Variants in CATSPERB observed in about 807,000 individuals in gnomAD.
CATSPERB encodes the protein cation channel sperm-associated auxiliary subunit beta.
Under a neutral mutation model 128.3 loss-of-function variants are expected in CATSPERB, and 93 were observed. That is an observed-to-expected ratio of 0.72 (90% CI 0.61 to 0.86). The LOEUF is 0.86. Among genes scored for constraint, CATSPERB ranks in the 40% least tolerant of loss-of-function variants. CATSPERB has a pLI of 0.00. For synonymous variants in CATSPERB, 381 were observed against 448.8 expected, an observed-to-expected ratio of 0.85 and a Z score of 1.91; for missense variants, 1,153 against 1,329.5, an observed-to-expected ratio of 0.87 and a Z score of 2.06.
chr14:91,680,364 A>G (rs1895259623), intron 11 of CATSPERB, among the ~76,000 whole-genome samples: 1 of 152,130 alleles, frequency 6.6e-6, no homozygotes, highest in South Asian at 2.1e-4. Context: ...TTAGTTCAGA[A>G]CCTCCAAATC....
intron 22 of CATSPERB, chr14:91,604,541 G>A: frequency 6.2e-7 from 1 of 1,607,374 alleles, no homozygotes; most frequent in Non-Finnish European, 8.5e-7. Flanking sequence ...CAAGTCACTG[G>A]CAGGAGAATT....
intron 21 of CATSPERB, among the ~76,000 whole-genome samples, chr14:91,609,103 C>T (rs1595144556): frequency 6.6e-6 from 1 of 152,082 alleles, no homozygotes; most frequent in Non-Finnish European, 1.5e-5. Flanking sequence ...GATACTGTAA[C>T]TTTACATCAT....
intron 6 of CATSPERB, among the ~76,000 whole-genome samples, chr14:91,706,960 A>G (rs995916805): frequency 6.6e-6 from 1 of 152,124 alleles, no homozygotes; most frequent in African/African-American, 2.4e-5. Flanking sequence ...ACTGCTACCA[A>G]TTTCCTTTAT....
intron 5 of CATSPERB, among the ~76,000 whole-genome samples, chr14:91,708,456 T>C (rs1354746554): frequency 6.6e-6 from 1 of 152,190 alleles, no homozygotes; most frequent in Admixed American, 6.5e-5. Context: ...TAGCAATGAA[T>C]CTAGATACTA....
chr14:91,587,827 A>G (rs1486173893), intron 25 of CATSPERB, 151 bp downstream of exon 25: 1 of 601,250 alleles, frequency 1.7e-6, no homozygotes, highest in South Asian at 2.2e-5. Context: ...AAAAAAATAA[A>G]CCCTCTTCAT....
intron 7 of CATSPERB, among the ~76,000 whole-genome samples, chr14:91,703,688 G>T (rs1895689292): frequency 1.3e-5 from 2 of 152,204 alleles, no homozygotes; most frequent in South Asian, 4.1e-4. Flanking sequence ...CAGGGGTGTG[G>T]CGTGTCACAA....
At chr14:91,617,108 G>A (rs1359243738) in intron 20 of CATSPERB, among the ~76,000 whole-genome samples, 2 of 152,094 alleles carry the variant, frequency 1.3e-5, no homozygotes, top group East Asian at 1.9e-4. Flanking sequence ...CATATAAAGC[G>A]ATAAAAAGGA....
At chr14:91,598,242 C>A (rs1485257288) in intron 22 of CATSPERB, among the ~76,000 whole-genome samples, 1 of 151,232 alleles carries the variant, frequency 6.6e-6, no homozygotes, top group Non-Finnish European at 1.5e-5. Flanking sequence ...GCTCCTTTTA[C>A]CTTGTTTTAT....
At chr14:91,611,281 T>G (rs1893820724) in intron 20 of CATSPERB, among the ~76,000 whole-genome samples, 1 of 152,092 alleles carries the variant, frequency 6.6e-6, no homozygotes, top group African/African-American at 2.4e-5. Context: ...ATCTAATTGG[T>G]TCGGGGAAGT....
chr14:91,692,175 C>CAAAAAAAAAAAAAAAAAAAA (rs748422210), intron 9 of CATSPERB, among the ~76,000 whole-genome samples: 1 of 55,512 alleles, frequency 1.8e-5, no homozygotes, highest in African/African-American at 6.8e-5. Flanking sequence ...GACTCAGTCT[C>CAAAAAAAAAAAAAAAAAAAA]AAAAAAAAAA....
chr14:91,677,363 C>T (rs929391043), intron 11 of CATSPERB, among the ~76,000 whole-genome samples: 3 of 151,868 alleles, frequency 2.0e-5, no homozygotes, highest in Admixed American at 1.3e-4. Flanking sequence ...AACAAATTTA[C>T]AAGAAAAAAA....
At chr14:91,710,877 CAAAG>C (rs901249949) in intron 5 of CATSPERB, among the ~76,000 whole-genome samples, 3 of 152,168 alleles carry the variant, frequency 2.0e-5, no homozygotes, top group South Asian at 2.1e-4. Flanking sequence ...GTTAGTGACA[CAAAG>C]AAAGAGCTTC....
intron 15 of CATSPERB, among the ~76,000 whole-genome samples, chr14:91,654,744 G>C (rs1894760076): frequency 6.6e-6 from 1 of 152,160 alleles, no homozygotes; most frequent in Admixed American, 6.5e-5. Flanking sequence ...GAGCTCTTGG[G>C]CCTAGAGTGA....
chr14:91,608,370 G>A lies in CATSPERB; in HGVS notation c.2633C>T (p.Ala878Val), dbSNP rs1218942995. The A allele has an allele frequency of 6.2e-7, 1 of 1,609,622 alleles. No individual in the cohort carries two copies. The highest frequency in any genetic ancestry group is 8.5e-7 in the Non-Finnish European group (1 of 1,176,368). The change falls in exon 22 of 27, where the codon GCT (alanine) becomes GTT (valine). Residue 878 changes from alanine to valine, a missense_variant. Transcript: ENST00000256343. ...ATAAAAATTATCTGTGAGTGGAATA[G>A]CAATTCCCATATTAGATGGAGGCCT... ...NYRPPSNMGI[A>V]IPLTDNFYHA...
At chr14:91,641,481 C>A (rs769783297) in intron 15 of CATSPERB, among the ~76,000 whole-genome samples, 4 of 152,076 alleles carry the variant, frequency 2.6e-5, no homozygotes, top group Non-Finnish European at 5.9e-5. Flanking sequence ...TTCCCCATTG[C>A]TTGTTTTTCT....
intron 19 of CATSPERB, among the ~76,000 whole-genome samples, chr14:91,618,635 T>C (rs1171470661): frequency 1.3e-5 from 2 of 152,208 alleles, no homozygotes; most frequent in Non-Finnish European, 2.9e-5. Context: ...AGAAAACTCT[T>C]ATGCATTTCA....
rs1383935524 is a variant in CATSPERB at position 91,617,522 on chromosome 14, T to C, written c.2400+75A>G. Reference sequence around the variant, plus strand: ...ACAGAGATGTTTAAAATGATGCTCATTAAATATTAATAATAGTTGTTTCAG... The same window carrying C: ...ACAGAGATGTTTAAAATGATGCTCACTAAATATTAATAATAGTTGTTTCAG... On this transcript the variant is annotated intron_variant, in intron 20 of 26. Coordinates refer to ENST00000256343, the MANE Select transcript of CATSPERB (RefSeq NM_024764.4). 1.2e-5 allele frequency: 13 copies of C among 1,094,614 alleles called. No individual in the cohort carries two copies. In the African/African-American group the frequency reaches 1.8e-4, roughly 15 times the overall value. 67.8% of individuals were successfully genotyped at this position (1,094,614 alleles called of 1,614,324 possible).
rs1893608180 is a variant in CATSPERB, at chr14:91,601,597, G to T, written c.2709+6697C>A. On this transcript the variant is annotated intron_variant, in intron 22 of 26. Transcript: ENST00000256343. ...AAGGTTGAGTTTAATAGTACAGGTA[G>T]AAATAGAATCTAGGGATCTGATTCT... Among the ~76,000 whole-genome samples the T allele has an allele frequency of 3.3e-5, 5 of 152,104 alleles. No homozygotes were observed. In the South Asian group the frequency reaches 1.0e-3, roughly 32 times the overall value.
At position 91,621,782 on chromosome 14, in the gene CATSPERB, T is replaced by G. The variant is rs1361048768; in HGVS notation, c.2086A>C (p.Ser696Arg). ...SAPNNMTFLK[S>R]TWFLYNFGQR... ...CCAAAGTTGTATAAGAACCATGTGC[T>G]CTTTAGAAAGGTCATATTGTTGGGT... is the stretch of plus-strand genomic sequence containing the variant. The change falls in exon 19 of 27, where the codon AGC becomes CGC. Residue 696 changes from serine to arginine, a missense_variant. Coordinates refer to ENST00000256343, the MANE Select transcript of CATSPERB (RefSeq NM_024764.4). 1 of 1,614,170 alleles carries G rather than the reference T, an allele frequency of 6.2e-7. No homozygotes were observed. The highest frequency in any genetic ancestry group is 1.1e-5 in the South Asian group (1 of 91,084).
Sources: allele counts gnomAD v4.1 joint callset (sites outside exome capture counted in the v4.1 genomes callset), GRCh38; gene constraint gnomAD v4.1.1; transcripts MANE v1.5; gene names NCBI Gene and HGNC (gene_info 2026-07-23, HGNC 2026-07-21).